Variants in CHODL observed in about 807,000 individuals in gnomAD.
CHODL encodes the protein chondrolectin, also known as transmembrane protein MT75.
Under a neutral mutation model 34.5 loss-of-function variants are expected in CHODL, and 29 were observed. That is an observed-to-expected ratio of 0.84 (90% confidence interval 0.63 to 1.15). The LOEUF (loss-of-function observed/expected upper bound fraction) is 1.15. Among genes scored for constraint, CHODL ranks in the 50% most tolerant of loss-of-function variants. The pLI, the probability that CHODL is intolerant of heterozygous loss-of-function variation, is 0.00. For missense variants in CHODL, 332 were observed against 332.5 expected, an observed-to-expected ratio of 1.00 and a Z score of 0.01; for synonymous variants, 125 against 116.1, an observed-to-expected ratio of 1.08 and a Z score of -0.49.
At chr21:17,927,269 A>G (rs530860266) in intron 1 of CHODL, among the ~76,000 whole-genome samples, 1 of 151,696 alleles carries the variant, frequency 6.6e-6, no homozygotes, top group South Asian at 2.1e-4. Context: ...AAATAGGGAA[A>G]TGAGAGGGAG....
At chr21:18,191,632 G>C (rs893004458) in intron 2 of CHODL, among the ~76,000 whole-genome samples, 16 of 152,122 alleles carry the variant, frequency 1.1e-4, no homozygotes, top group African/African-American at 3.9e-4. Context: ...GTTTAGCCCA[G>C]GTTTTCATCA....
intron 1 of CHODL, among the ~76,000 whole-genome samples, chr21:17,937,037 G>A (rs1405090556): frequency 6.8e-6 from 1 of 146,168 alleles, no homozygotes; most frequent in Non-Finnish European, 1.5e-5. Context: ...TCCTGAGATT[G>A]TGCCATTGCA....
At chr21:17,997,470 G>T (rs2063861229) in intron 1 of CHODL, among the ~76,000 whole-genome samples, 1 of 152,166 alleles carries the variant, frequency 6.6e-6, no homozygotes, top group Admixed American at 6.5e-5. Flanking sequence ...ATTGGAAAAT[G>T]ACTCTTTTGT....
chr21:18,161,618 T>G (rs991090), intron 2 of CHODL, among the ~76,000 whole-genome samples: 62,187 of 151,970 alleles, frequency 0.41, 13,233 homozygotes, highest in African/African-American at 0.53. Context: ...CTTAGTCTTG[T>G]GCATGCTGTT....
intron 5 of CHODL, among the ~76,000 whole-genome samples, chr21:18,265,179 G>GTATA (rs1464024713): frequency 5.8e-5 from 8 of 138,326 alleles, no homozygotes; most frequent in African/African-American, 2.3e-4. Context: ...GTATATATAT[G>GTATA]TATATATATA....
chr21:18,001,932 T>A (rs1278127787), intron 1 of CHODL, among the ~76,000 whole-genome samples: 1 of 152,092 alleles, frequency 6.6e-6, no homozygotes, highest in South Asian at 2.1e-4. Context: ...GAATAATAAA[T>A]CAATGGGTAC....
intron 1 of CHODL, among the ~76,000 whole-genome samples, chr21:17,964,571 A>G (rs2063557180): frequency 6.6e-6 from 1 of 152,200 alleles, no homozygotes; most frequent in Non-Finnish European, 1.5e-5. Context: ...AATTGGTTCC[A>G]GTATATTTCA....
At chr21:18,264,137 G>C (rs2074417537) in intron 5 of CHODL, among the ~76,000 whole-genome samples, 1 of 152,068 alleles carries the variant, frequency 6.6e-6, no homozygotes, top group African/African-American at 2.4e-5. Flanking sequence ...TTTAGAAATA[G>C]TTCTTTTTTC....
chr21:18,234,352 T>C (rs914297672), intron 2 of CHODL, among the ~76,000 whole-genome samples: 2 of 150,964 alleles, frequency 1.3e-5, no homozygotes, highest in Non-Finnish European at 2.9e-5. Context: ...GTGTGGACTA[T>C]TTTCTTGCCC....
chr21:18,101,241 C>T (rs980683824), intron 2 of CHODL, among the ~76,000 whole-genome samples: 1 of 152,122 alleles, frequency 6.6e-6, no homozygotes, highest in Non-Finnish European at 1.5e-5. Flanking sequence ...TGACTTGCTC[C>T]TCTTTGTCTT....
chr21:18,145,432 T>A (rs1291383980), intron 2 of CHODL, among the ~76,000 whole-genome samples: 2 of 72,956 alleles, frequency 2.7e-5, no homozygotes, highest in East Asian at 3.6e-4. Flanking sequence ...TGAGACTACC[T>A]TTCAAAAAAA....
At chr21:18,172,799 G>T (rs1261767678) in intron 2 of CHODL, among the ~76,000 whole-genome samples, 2 of 152,048 alleles carry the variant, frequency 1.3e-5, no homozygotes, top group Non-Finnish European at 2.9e-5. Flanking sequence ...CCCATTTATT[G>T]CCTCTCAGTT....
At chr21:18,153,014 G>A (rs1156831748) in intron 2 of CHODL, among the ~76,000 whole-genome samples, 2 of 152,158 alleles carry the variant, frequency 1.3e-5, no homozygotes, top group South Asian at 2.1e-4. Flanking sequence ...GAATGCAGCA[G>A]CCTAGACATA....
intron 2 of CHODL, among the ~76,000 whole-genome samples, chr21:18,047,788 A>G (rs757868911): frequency 4.6e-5 from 7 of 151,940 alleles, no homozygotes; most frequent in Admixed American, 2.6e-4. Context: ...GGAAAAAGCT[A>G]CCATCTTAGA....
Position 18,232,618 on chromosome 21 carries a change from G to A in CHODL, c.-44-23891G>A, listed in dbSNP as rs113098439. 3.6e-3 allele frequency among the ~76,000 whole-genome samples: 547 copies of A among 152,104 alleles called. 5 individuals carry two copies. Among genetic ancestry groups the A allele is most frequent in the African/African-American group, 0.012 (506 of 41,510 alleles). On this transcript the variant is annotated intron_variant, in intron 2 of 6. Transcript: ENST00000400127. The stretch of plus-strand genomic sequence containing the variant: ...TTTCAACATGTAAGTTTTGTGGGGA[G>A]CAAACATTCAGACGATAGCAGTATT...
intron 1 of CHODL, among the ~76,000 whole-genome samples, chr21:18,026,086 A>C (rs1301390776): frequency 1.3e-5 from 2 of 152,182 alleles, no homozygotes; most frequent in African/African-American, 4.8e-5. Context: ...ATTTTTGTCT[A>C]TTTTGATATA....
rs79022358 is a variant in CHODL, at chr21:18,131,050, C to T, written c.-45+103079C>T. Among the ~76,000 whole-genome samples the T allele has an allele frequency of 2.6e-3, 398 of 152,154 alleles. 1 individual carries two copies. Among genetic ancestry groups the T allele is most frequent in the Non-Finnish European group, 4.5e-3 (307 of 67,998 alleles). Reference sequence around the variant, plus strand: ...GAATGGTCAGTTTCTGGTGAGGTCCCTTTTCTTGGCTTGCAAATGGCCGCC... The same window carrying T: ...GAATGGTCAGTTTCTGGTGAGGTCCTTTTTCTTGGCTTGCAAATGGCCGCC... On this transcript the variant is annotated intron_variant, in intron 2 of 6. Coordinates refer to the CHODL transcript ENST00000400127.
chr21:18,032,360 A>T (rs937042628), intron 2 of CHODL, among the ~76,000 whole-genome samples: 1 of 152,128 alleles, frequency 6.6e-6, no homozygotes, highest in Non-Finnish European at 1.5e-5. Context: ...AAACATTTTT[A>T]AAAATAACAT....
intron 1 of CHODL, among the ~76,000 whole-genome samples, chr21:17,928,097 G>A (rs149329540): frequency 7.2e-5 from 11 of 152,268 alleles, no homozygotes; most frequent in African/African-American, 2.6e-4. Flanking sequence ...TTTAAAGTTC[G>A]AATTTAAGGG....
Sources: gnomAD v4.1 joint callset for allele counts (sites outside exome capture counted in the v4.1 genomes callset) on GRCh38, gnomAD v4.1.1 for gene constraint, MANE v1.5 for transcripts, NCBI Gene and HGNC (gene_info 2026-07-23, HGNC 2026-07-21) for gene names.